Variants in FIGN observed in about 807,000 individuals in gnomAD.
The protein encoded by FIGN is fidgetin, microtubule severing factor, also known as fidgetin.
FIGN carries 11 observed loss-of-function variants against 51.3 expected under a neutral mutation model. The ratio of observed to expected loss-of-function variants is 0.21; its 90% CI spans 0.13 to 0.35. FIGN has a LOEUF of 0.35. Ranked by LOEUF, FIGN falls within the 10% of genes least tolerant of loss-of-function variation. The pLI, the probability that FIGN is intolerant of heterozygous loss-of-function variation, is 1.00. For missense variants in FIGN, 857 were observed against 943.6 expected (o/e 0.91, Z 1.20); for synonymous variants, 407 against 363.2 (o/e 1.12, Z -1.37).
intron 2 of FIGN, among the ~76,000 whole-genome samples, chr2:163,671,904 A>T (rs1683883273): frequency 6.6e-6 from 1 of 152,110 alleles, no homozygotes; most frequent in South Asian, 2.1e-4. Context: ...ATTTAGTATA[A>T]TCTCTTCATA....
chr2:163,612,691 A>ATTGT, intron 2 of FIGN: 3 of 678,190 alleles, frequency 4.4e-6, no homozygotes, highest in Non-Finnish European at 5.1e-6. Flanking sequence ...AAGAGGGGAG[A>ATTGT]ATGTGTGTGT....
chr2:163,729,194 G>A (rs1684888363), intron 2 of FIGN, among the ~76,000 whole-genome samples: 1 of 151,840 alleles, frequency 6.6e-6, no homozygotes, highest in South Asian at 2.1e-4. Flanking sequence ...AACAAAATAG[G>A]TATATACATA....
At chr2:163,709,638 A>G (rs999347361) in intron 2 of FIGN, among the ~76,000 whole-genome samples, 9 of 152,158 alleles carry the variant, frequency 5.9e-5, no homozygotes, top group African/African-American at 1.7e-4. Flanking sequence ...TCAAGGATCT[A>G]TCTGAACAGG....
At chr2:163,626,973 A>G (rs112616003) in intron 2 of FIGN, among the ~76,000 whole-genome samples, 4,839 of 152,198 alleles carry the variant, frequency 0.032, 161 homozygotes, top group African/African-American at 0.08. Flanking sequence ...TACCCTATAT[A>G]GTCTAAAAAG....
intron 2 of FIGN, among the ~76,000 whole-genome samples, chr2:163,654,855 T>A (rs895238031): frequency 6.6e-6 from 1 of 151,976 alleles, no homozygotes; most frequent in African/African-American, 2.4e-5. Flanking sequence ...AATTAAAAAA[T>A]TTAAAAAAAG....
intron 2 of FIGN, among the ~76,000 whole-genome samples, chr2:163,687,485 GAAT>G (rs2105343055): frequency 6.6e-6 from 1 of 152,212 alleles, no homozygotes; most frequent in South Asian, 2.1e-4. Flanking sequence ...GCTCCCCAAA[GAAT>G]AATTTATCTT....
intron 2 of FIGN, among the ~76,000 whole-genome samples, chr2:163,621,603 A>G (rs1021647948): frequency 3.9e-5 from 6 of 152,168 alleles, no homozygotes; most frequent in African/African-American, 1.4e-4. Context: ...CAACAGCAGT[A>G]GTTTCCTCAC....
intron 2 of FIGN, among the ~76,000 whole-genome samples, chr2:163,720,559 A>C (rs538266236): frequency 6.6e-6 from 1 of 152,190 alleles, no homozygotes; most frequent in African/African-American, 2.4e-5. Flanking sequence ...CATAAATCTT[A>C]TTTACTGACA....
At chr2:163,629,455 G>T (rs78072240) in intron 2 of FIGN, among the ~76,000 whole-genome samples, 3,765 of 152,180 alleles carry the variant, frequency 0.025, 98 homozygotes, top group African/African-American at 0.06. Context: ...AAGCATTAGA[G>T]GATTTTCCTC....
intron 2 of FIGN, among the ~76,000 whole-genome samples, chr2:163,668,590 C>T (rs1683822868): frequency 6.6e-6 from 1 of 152,172 alleles, no homozygotes; most frequent in South Asian, 2.1e-4. Context: ...GGTAATAAAA[C>T]ACATTTTCCC....
chr2:163,612,555 T>G (rs1682771856), intron 2 of FIGN: 1 of 985,142 alleles, frequency 1.0e-6, no homozygotes, highest in Non-Finnish European at 1.2e-6. Flanking sequence ...AACTGGCTCC[T>G]TTCTGCCTCT....
intron 2 of FIGN, among the ~76,000 whole-genome samples, chr2:163,706,655 C>G (rs1684504175): frequency 1.3e-5 from 2 of 152,082 alleles, no homozygotes; most frequent in South Asian, 4.1e-4. Context: ...ATCATCCAAA[C>G]AAATCACATG....
intron 2 of FIGN, among the ~76,000 whole-genome samples, chr2:163,731,637 T>G (rs1684930923): frequency 1.3e-5 from 2 of 151,550 alleles, no homozygotes; most frequent in South Asian, 4.2e-4. Flanking sequence ...CTATTTTCAC[T>G]CAGAAGATAT....
chr2:163,614,951 G>T (rs1356193937), intron 2 of FIGN, among the ~76,000 whole-genome samples: 1 of 152,088 alleles, frequency 6.6e-6, no homozygotes, highest in Non-Finnish European at 1.5e-5. Context: ...AAAGACAGTA[G>T]TATACAGTTT....
At position 163,610,034 on chromosome 2, in the gene FIGN, T is replaced by C; in HGVS notation, c.1798A>G (p.Ser600Gly). ...TCGGTTCTCATCCGACTGACTGGAC[T>C]ATGTTCCTCATTCACTTGAGAGGAG... is the stretch of plus-strand genomic sequence containing the variant. ...LLSSQVNEEHSPVSRMRTEFL... is the reference protein window; with the variant it reads ...LLSSQVNEEHGPVSRMRTEFL... The change falls in exon 3 of 3, where the codon AGT becomes GGT. Residue 600 changes from serine (S) to glycine (G), a missense_variant. Physicochemically the swap from Ser to Gly is moderately conservative, Grantham distance 56. Coordinates refer to ENST00000333129, the MANE Select transcript of FIGN (RefSeq NM_018086.4). The C allele has an allele frequency of 3.1e-6, 5 of 1,614,128 alleles. No individual in the cohort carries two copies. The highest frequency in any genetic ancestry group is 1.6e-4 in the Middle Eastern group (1 of 6,062).
At chr2:163,653,732 TG>T (rs1262083092) in intron 2 of FIGN, among the ~76,000 whole-genome samples, 4 of 152,100 alleles carry the variant, frequency 2.6e-5, no homozygotes, top group Admixed American at 6.6e-5. Flanking sequence ...CCCTCACCAA[TG>T]AATCTCTATC....
At chr2:163,631,308 A>G (rs1683142467) in intron 2 of FIGN, among the ~76,000 whole-genome samples, 1 of 152,202 alleles carries the variant, frequency 6.6e-6, no homozygotes, top group Non-Finnish European at 1.5e-5. Context: ...TATTTGCACA[A>G]AGAAAGGGAG....
intron 2 of FIGN, among the ~76,000 whole-genome samples, chr2:163,652,209 A>G (rs1326671590): frequency 6.6e-6 from 1 of 152,152 alleles, no homozygotes; most frequent in Non-Finnish European, 1.5e-5. Context: ...CACAAATTCC[A>G]TTACACTGTA....
intron 2 of FIGN, among the ~76,000 whole-genome samples, chr2:163,633,289 C>A (rs1035457914): frequency 6.6e-6 from 1 of 152,136 alleles, no homozygotes; most frequent in Non-Finnish European, 1.5e-5. Context: ...GGAATAATAA[C>A]AATAGCTAAC....
Sources: allele counts gnomAD v4.1 joint callset (sites outside exome capture counted in the v4.1 genomes callset), GRCh38; gene constraint gnomAD v4.1.1; transcripts MANE v1.5; gene names NCBI Gene and HGNC (gene_info 2026-07-23, HGNC 2026-07-21).